Variants in CAMKMT observed in about 807,000 individuals in gnomAD.
CAMKMT encodes CaM KMT.
CAMKMT carries 53 observed loss-of-function variants against 48.0 expected under a neutral mutation model. That is an observed-to-expected ratio of 1.10 (90% CI 0.89 to 1.39). The LOEUF is 1.39. CAMKMT is among the 40% of genes most tolerant of loss of function. CAMKMT has a pLI of 0.00. For synonymous variants in CAMKMT, 165 were observed against 152.3 expected (o/e 1.08, Z -0.61); for missense variants, 428 against 402.7 (o/e 1.06, Z -0.54).
At chr2:44,589,257 T>A (rs111892287) in intron 3 of CAMKMT, among the ~76,000 whole-genome samples, 43 of 38,294 alleles carry the variant, frequency 1.1e-3, no homozygotes, top group South Asian at 2.0e-3. Flanking sequence ...TCCGGGAGGG[T>A]GGTGGGGGGG....
intron 2 of CAMKMT, among the ~76,000 whole-genome samples, chr2:44,377,945 T>C (rs1679860392): frequency 6.6e-6 from 1 of 152,234 alleles, no homozygotes. Context: ...GGTTTGCTTA[T>C]GAAATTAGAT....
chr2:44,388,029 G>T (rs1680945123), intron 2 of CAMKMT, among the ~76,000 whole-genome samples: 1 of 152,136 alleles, frequency 6.6e-6, no homozygotes, highest in African/African-American at 2.4e-5. Flanking sequence ...CTTTTGTGAT[G>T]AATTTCCCAG....
intron 3 of CAMKMT, among the ~76,000 whole-genome samples, chr2:44,469,720 T>G (rs961410469): frequency 6.6e-6 from 1 of 152,172 alleles, no homozygotes; most frequent in South Asian, 2.1e-4. Context: ...CATAATGTTG[T>G]ACGCTTATCA....
At chr2:44,732,762 T>C (rs1339972516) in intron 7 of CAMKMT, among the ~76,000 whole-genome samples, 1 of 152,148 alleles carries the variant, frequency 6.6e-6, no homozygotes, top group African/African-American at 2.4e-5. Context: ...TTTAAAAAAT[T>C]GGGTTGCTTG....
chr2:44,591,823 AC>A (rs1412891055), intron 3 of CAMKMT, among the ~76,000 whole-genome samples: 1 of 152,060 alleles, frequency 6.6e-6, no homozygotes, highest in African/African-American at 2.4e-5. Flanking sequence ...CAAATGTCCA[AC>A]AGTGATAGAC....
chr2:44,452,107 ATTAT>A (rs1247549623), intron 3 of CAMKMT, among the ~76,000 whole-genome samples: 2 of 151,974 alleles, frequency 1.3e-5, no homozygotes, highest in Non-Finnish European at 2.9e-5. Flanking sequence ...TAACTTAGGC[ATTAT>A]TTAAACTGAA....
intron 3 of CAMKMT, among the ~76,000 whole-genome samples, chr2:44,673,357 G>T (rs1386592623): frequency 1.3e-5 from 2 of 151,160 alleles, no homozygotes; most frequent in East Asian, 3.9e-4. Context: ...AGCTTCAGAG[G>T]TCAAGGCTGC....
chr2:44,469,482 A>G (rs1668304852), intron 3 of CAMKMT, among the ~76,000 whole-genome samples: 1 of 151,816 alleles, frequency 6.6e-6, no homozygotes, highest in Admixed American at 6.6e-5. Context: ...ATTTTCTTGG[A>G]TGATAATTCC....
intron 7 of CAMKMT, among the ~76,000 whole-genome samples, chr2:44,720,904 T>G (rs1678428555): frequency 6.6e-6 from 1 of 152,178 alleles, no homozygotes; most frequent in African/African-American, 2.4e-5. Flanking sequence ...TTCTCTTAAG[T>G]TTATTTTTAG....
intron 3 of CAMKMT, among the ~76,000 whole-genome samples, chr2:44,687,214 G>A (rs1174831112): frequency 2.0e-5 from 3 of 152,122 alleles, no homozygotes; most frequent in Non-Finnish European, 4.4e-5. Flanking sequence ...TAATTTTTAT[G>A]TTAAATGGTT....
At chr2:44,741,206 A>T (rs1679659898) in intron 7 of CAMKMT, among the ~76,000 whole-genome samples, 3 of 152,242 alleles carry the variant, frequency 2.0e-5, no homozygotes, top group South Asian at 2.1e-4. Context: ...AACAGATTAG[A>T]TACAAACAAA....
At chr2:44,695,714 T>G (rs1676905443) in intron 3 of CAMKMT, among the ~76,000 whole-genome samples, 1 of 152,098 alleles carries the variant, frequency 6.6e-6, no homozygotes, top group Non-Finnish European at 1.5e-5. Flanking sequence ...AATAAAATTT[T>G]GGAAGCTGGA....
chr2:44,664,863 C>G (rs558744202), intron 3 of CAMKMT, among the ~76,000 whole-genome samples: 64 of 152,212 alleles, frequency 4.2e-4, no homozygotes, highest in African/African-American at 1.5e-3. Context: ...TGGAAAATAG[C>G]CTTCAGAATG....
At position 44,362,232 on chromosome 2, in the gene CAMKMT, C is replaced by T. The variant is rs1677949405; in HGVS notation, c.138+87C>T. 1.5e-5 allele frequency: 18 copies of T among 1,211,712 alleles called. No individual in the cohort carries two copies. The South Asian group carries it at 2.1e-4, about 14-fold the overall frequency. The allele number at this position is 1,211,712 out of a possible 1,614,324, so 75.1% of individuals were successfully genotyped here. A position where few individuals can be genotyped will look rare whatever the true frequency, so the allele number is the denominator to read the frequency against. ...GAGCGACTGTTCGCAGTTCTTTCCT[C>T]TTGGCAGCTCTGGGAGACCCTTCTC... On this transcript the variant is annotated intron_variant, in intron 1 of 10. Coordinates refer to ENST00000378494, the MANE Select transcript of CAMKMT (RefSeq NM_024766.5).
At chr2:44,626,566 C>T (rs899652986) in intron 3 of CAMKMT, among the ~76,000 whole-genome samples, 4 of 152,104 alleles carry the variant, frequency 2.6e-5, no homozygotes, top group African/African-American at 9.7e-5. Context: ...CTCAAGGCAC[C>T]AGCAGATTAG....
intron 3 of CAMKMT, among the ~76,000 whole-genome samples, chr2:44,559,311 T>C (rs932254304): frequency 6.6e-6 from 1 of 152,164 alleles, no homozygotes; most frequent in African/African-American, 2.4e-5. Flanking sequence ...TGTGAGCATC[T>C]TCACTAATAG....
intron 3 of CAMKMT, among the ~76,000 whole-genome samples, chr2:44,524,453 C>G (rs1389678661): frequency 6.6e-6 from 1 of 152,090 alleles, no homozygotes; most frequent in Non-Finnish European, 1.5e-5. Context: ...TTCCATTTTG[C>G]TAATGGTCTT....
intron 3 of CAMKMT, among the ~76,000 whole-genome samples, chr2:44,584,980 A>G (rs1253145473): frequency 6.6e-6 from 1 of 151,866 alleles, no homozygotes; most frequent in African/African-American, 2.4e-5. Flanking sequence ...ACATGAACCC[A>G]CGAGGCGGAG....
chr2:44,689,689 G>C (rs1163738735), intron 3 of CAMKMT, among the ~76,000 whole-genome samples: 3 of 152,116 alleles, frequency 2.0e-5, no homozygotes, highest in African/African-American at 7.2e-5. Flanking sequence ...CTGATTTTCT[G>C]GGTCCACCTG....
Sources: allele counts gnomAD v4.1 joint callset (sites outside exome capture counted in the v4.1 genomes callset), GRCh38; gene constraint gnomAD v4.1.1; transcripts MANE v1.5; gene names NCBI Gene and HGNC (gene_info 2026-07-23, HGNC 2026-07-21).